The following RXRA variants were observed in gnomAD, a reference collection of about 807,000 sequenced individuals.
RXRA encodes retinoid X receptor alpha.
Under a neutral mutation model 44.5 loss-of-function variants are expected in RXRA, and 5 were observed. That is an observed-to-expected ratio of 0.11 (90% CI 0.06 to 0.24). RXRA has a LOEUF of 0.24. Among genes scored for constraint, RXRA ranks in the 10% least tolerant of loss-of-function variants. The pLI is 1.00. For synonymous variants in RXRA, 291 were observed against 271.4 expected (o/e 1.07, Z -0.71); for missense variants, 412 against 646.5 (o/e 0.64, Z 3.93).
chr9:134,354,230 G>C (rs781952646), intron 1 of RXRA, among the ~76,000 whole-genome samples: 1 of 152,194 alleles, frequency 6.6e-6, no homozygotes, highest in East Asian at 1.9e-4. Flanking sequence ...TCTGCGTGCC[G>C]AGTGCTCCCA....
intron 1 of RXRA, among the ~76,000 whole-genome samples, chr9:134,329,376 G>T (rs562344577): frequency 4.6e-5 from 7 of 152,392 alleles, no homozygotes; most frequent in African/African-American, 7.2e-5. Flanking sequence ...CGACGGCAGG[G>T]TGTTTGTTTT....
At chr9:134,421,433 G>A (rs1831328923) in intron 5 of RXRA, among the ~76,000 whole-genome samples, 2 of 152,102 alleles carry the variant, frequency 1.3e-5, no homozygotes, top group South Asian at 4.1e-4. Context: ...ATGACCCTGG[G>A]TCCCCCCAGT....
intron 1 of RXRA, among the ~76,000 whole-genome samples, chr9:134,331,475 G>A (rs895605483): frequency 6.6e-6 from 1 of 152,236 alleles, no homozygotes; most frequent in Non-Finnish European, 1.5e-5. Context: ...GGCGCTGTTG[G>A]CCGCTGGCCC....
At chr9:134,336,385 C>T (rs546258842) in intron 1 of RXRA, among the ~76,000 whole-genome samples, 2 of 152,360 alleles carry the variant, frequency 1.3e-5, no homozygotes, top group Admixed American at 1.3e-4. Flanking sequence ...AGACAGTGGG[C>T]CTGGGCAATG....
At chr9:134,406,908 C>T (rs757830693) in intron 2 of RXRA, among the ~76,000 whole-genome samples, 3 of 152,236 alleles carry the variant, frequency 2.0e-5, no homozygotes, top group African/African-American at 4.8e-5. Context: ...CTCTGAGAAG[C>T]GCACCTGCTG....
chr9:134,384,215 C>T (rs1177098931), intron 1 of RXRA, among the ~76,000 whole-genome samples: 1 of 152,078 alleles, frequency 6.6e-6, no homozygotes, highest in Non-Finnish European at 1.5e-5. Flanking sequence ...ACCCTCCATA[C>T]TGTCACCCCG....
intron 1 of RXRA, among the ~76,000 whole-genome samples, chr9:134,396,160 G>A (rs974977232): frequency 6.6e-6 from 1 of 152,222 alleles, no homozygotes; most frequent in African/African-American, 2.4e-5. Flanking sequence ...CCGTCAGGGA[G>A]TGGTGGGTCT....
At chr9:134,369,408 T>G (rs1174048599) in intron 1 of RXRA, among the ~76,000 whole-genome samples, 1 of 96,158 alleles carries the variant, frequency 1.0e-5, no homozygotes, top group Admixed American at 1.4e-4. Flanking sequence ...TGTGTGTGTG[T>G]GGGTTATATG....
At chr9:134,394,900 G>A (rs917339051) in intron 1 of RXRA, among the ~76,000 whole-genome samples, 5 of 151,990 alleles carry the variant, frequency 3.3e-5, no homozygotes, top group African/African-American at 9.7e-5. Context: ...GCTCCTCCTG[G>A]GTGAGCGGAT....
chr9:134,341,199 G>A (rs1311261613), intron 1 of RXRA, among the ~76,000 whole-genome samples: 2 of 152,208 alleles, frequency 1.3e-5, no homozygotes, highest in East Asian at 3.9e-4. Flanking sequence ...ACGCTCCCTC[G>A]TTCCCTGCAC....
Position 134,344,998 on chromosome 9 carries a change from C to T in RXRA, c.28+18339C>T, listed in dbSNP as rs1410425300. Among the ~76,000 whole-genome samples, 6 of 152,126 alleles carry T rather than the reference C, an allele frequency of 3.9e-5. No homozygotes were observed. The East Asian group carries it at 9.7e-4, about 24-fold the overall frequency. ...TTCAGAGTGGGCTCTGCCTCCTGCACCCCTGGGCCGTGTGCCTGGGGACAG... is the reference window on the plus strand; with the variant it reads ...TTCAGAGTGGGCTCTGCCTCCTGCATCCCTGGGCCGTGTGCCTGGGGACAG... On this transcript the variant is annotated intron_variant, in intron 1 of 9. Coordinates refer to ENST00000481739, the MANE Select transcript of RXRA (RefSeq NM_002957.6).
chr9:134,409,147 G>T (rs753358095), intron 4 of RXRA, 28 bp downstream of exon 4: 1 of 1,516,770 alleles, frequency 6.6e-7, no homozygotes, highest in Non-Finnish European at 8.8e-7. Context: ...GTGGGGGCGC[G>T]GGCAGGTGTT....
At chr9:134,341,068 G>A (rs1417713475) in intron 1 of RXRA, among the ~76,000 whole-genome samples, 3 of 152,216 alleles carry the variant, frequency 2.0e-5, no homozygotes, top group Non-Finnish European at 4.4e-5. Flanking sequence ...ACCTTGGGGC[G>A]GAGTGAGAGC....
intron 6 of RXRA, among the ~76,000 whole-genome samples, chr9:134,428,810 G>A (rs903898897): frequency 7.2e-5 from 11 of 152,248 alleles, no homozygotes; most frequent in African/African-American, 2.4e-4. Context: ...TGGCAGGAGT[G>A]TCCTGCACAC....
At position 134,349,955 on chromosome 9, in the gene RXRA, C is replaced by T. The variant is rs1187527188; in HGVS notation, c.28+23296C>T. Among the ~76,000 whole-genome samples the T allele has an allele frequency of 6.6e-6, 1 of 152,128 alleles. No individual in the cohort carries two copies. The highest frequency in any genetic ancestry group is 1.5e-5 in the Non-Finnish European group (1 of 68,014). ...CTGGCTGCAGCTGGTGTCTGGAGGT[C>T]CCCAGGCACTGCTGGGACCCCTTCC... On this transcript the variant is annotated intron_variant, in intron 1 of 9. Coordinates refer to ENST00000481739, the MANE Select transcript of RXRA (RefSeq NM_002957.6). The surrounding 1 kb of genome is among the most constrained non-coding windows in gnomAD (Gnocchi z 4.3).
At chr9:134,359,226 G>C (rs538352339) in intron 1 of RXRA, among the ~76,000 whole-genome samples, 125 of 152,160 alleles carry the variant, frequency 8.2e-4, no homozygotes, top group Non-Finnish European at 1.2e-3. Context: ...AATAGCTGGG[G>C]AAATTGAGGC....
At chr9:134,338,305 C>T (rs570074260) in intron 1 of RXRA, among the ~76,000 whole-genome samples, 21 of 152,322 alleles carry the variant, frequency 1.4e-4, no homozygotes, top group South Asian at 8.3e-4. Context: ...CTGTGGCTGC[C>T]GTGGGACATG....
rs1564301935 is a variant in RXRA at position 134,437,238 on chromosome 9, C to G, written c.*624C>G. 2 of 153,310 alleles carry G rather than the reference C, an allele frequency of 1.3e-5. No individual in the cohort carries two copies. Among genetic ancestry groups the G allele is most frequent in the Admixed American group, 1.3e-4 (2 of 15,408 alleles). The allele number at this position is 153,310 out of a possible 1,614,324, so 9.5% of individuals were successfully genotyped here. ...TGAGGGGGAAGGTAGCCCCTTTTTC[C>G]AAAGATAACTCACAGTTTTGCCCTC... On this transcript the variant is annotated 3_prime_UTR_variant, in exon 10 of 10. Transcript: ENST00000481739.
chr9:134,422,023 C>A (rs112042222), intron 6 of RXRA: 128 of 1,442,428 alleles, frequency 8.9e-5, no homozygotes, highest in Non-Finnish European at 1.1e-4. Flanking sequence ...CACACTCCCC[C>A]CTCCCTGGAT....
Sources: gnomAD v4.1 joint callset for allele counts (sites outside exome capture counted in the v4.1 genomes callset) on GRCh38, gnomAD v4.1.1 for gene constraint, Gnocchi (gnomAD v3.1) non-coding constraint, MANE v1.5 for transcripts, NCBI Gene and HGNC (gene_info 2026-07-23, HGNC 2026-07-21) for gene names.